The following LPP variants were observed in gnomAD, a reference collection of about 807,000 sequenced individuals.
The protein encoded by LPP is lipoma-preferred partner.
LPP carries 38 observed loss-of-function variants against 60.4 expected under a neutral mutation model. That is an observed-to-expected ratio of 0.63 (90% CI 0.49 to 0.83). The LOEUF (loss-of-function observed/expected upper bound fraction) is 0.83, where lower values mean the gene tolerates loss of function less well. Ranked by LOEUF, LPP falls within the 40% of genes least tolerant of loss-of-function variation. The pLI, the probability that LPP is intolerant of heterozygous loss-of-function variation, is 0.00. For missense variants in LPP, 902 were observed against 783.6 expected (o/e 1.15, Z -1.80); for synonymous variants, 328 against 290.8 (o/e 1.13, Z -1.30).
intron 6 of LPP, among the ~76,000 whole-genome samples, chr3:188,551,620 A>G (rs1476147696): frequency 6.6e-6 from 1 of 152,174 alleles, no homozygotes; most frequent in Non-Finnish European, 1.5e-5. Context: ...ATATACACTA[A>G]TAGAGATTAC....
At chr3:188,867,541 G>A (rs537678483) in intron 10 of LPP, among the ~76,000 whole-genome samples, 6 of 151,870 alleles carry the variant, frequency 4.0e-5, no homozygotes, top group African/African-American at 1.2e-4. Flanking sequence ...ATGGGGTTTC[G>A]CCATGTTGGC....
At position 188,609,791 on chromosome 3, in the gene LPP, A is replaced by C. The variant is rs766661203; in HGVS notation, c.1060A>C (p.Thr354Pro). The change falls in exon 7 of 12, where the codon ACC becomes CCC. Residue 354 changes from threonine (T) to proline (P), a missense_variant. Thr to Pro is a conservative substitution (Grantham distance 38). Transcript: ENST00000617246. This position sits in a 1 kb window ranked among gnomAD's most constrained non-coding sequence, Gnocchi z 6.9. Reference protein sequence around the residue: ...GMYPVTGPKKTYITDPVSAPC... With the variant: ...GMYPVTGPKKPYITDPVSAPC... The stretch of plus-strand genomic sequence containing the variant: ...GTATCCAGTCACTGGTCCCAAGAAG[A>C]CCTATATCACAGATCCTGTTTCAGC... The C allele has an allele frequency of 6.2e-7, 1 of 1,613,822 alleles. No individual in the cohort carries two copies. The highest frequency in any genetic ancestry group is 1.1e-5 in the South Asian group (1 of 91,080).
At chr3:188,800,519 A>G (rs540350285) in intron 9 of LPP, among the ~76,000 whole-genome samples, 51 of 152,162 alleles carry the variant, frequency 3.4e-4, no homozygotes, top group Non-Finnish European at 6.6e-4. Flanking sequence ...TGCTGGGATT[A>G]CAGGCGTGAG....
rs1208771566 is a variant in LPP at position 188,825,267 on chromosome 3, C to CTG, written c.1411-40932_1411-40931insGT. Reference sequence around the variant, plus strand: ...TTTCTTTCTCTCTCTCTCTCTCTCTCTCTGTGTGTGTGTGTGTGTGTGTGT... The same window carrying CTG: ...TTTCTTTCTCTCTCTCTCTCTCTCTCTGTCTGTGTGTGTGTGTGTGTGTGTGT... On this transcript the variant is annotated intron_variant, in intron 9 of 11. Coordinates refer to ENST00000617246, the MANE Select transcript of LPP (RefSeq NM_001375462.1). 3.8e-3 allele frequency among the ~76,000 whole-genome samples: 372 copies of CTG among 98,930 alleles called. 2 individuals carry two copies. Among genetic ancestry groups the CTG allele is most frequent in the African/African-American group, 0.012 (339 of 28,080 alleles). The allele number at this position is 98,930 out of a possible 152,430, so 64.9% of individuals were successfully genotyped here. A position where few individuals can be genotyped will look rare whatever the true frequency, so the allele number is the denominator to read the frequency against.
At chr3:188,779,482 T>C (rs963027584) in intron 9 of LPP, among the ~76,000 whole-genome samples, 3 of 152,142 alleles carry the variant, frequency 2.0e-5, no homozygotes, top group African/African-American at 7.2e-5. Flanking sequence ...TGGGTCGGTC[T>C]TGGAATATGG....
chr3:188,608,816 CGTTT>C (rs1411236402), intron 6 of LPP, among the ~76,000 whole-genome samples: 3 of 151,990 alleles, frequency 2.0e-5, no homozygotes, highest in Admixed American at 6.6e-5. Flanking sequence ...GATGTTTATC[CGTTT>C]GTTTGTGTCT....
Position 188,881,313 on chromosome 3 carries a change from C to T in LPP, c.*6834C>T, listed in dbSNP as rs749672132. 2.1e-5 allele frequency: 4 copies of T among 193,344 alleles called. No individual in the cohort carries two copies. Among genetic ancestry groups the T allele is most frequent in the Non-Finnish European group, 3.2e-5 (3 of 92,314 alleles). 12.0% of individuals were successfully genotyped at this position (193,344 alleles called of 1,614,324 possible). A position where few individuals can be genotyped will look rare whatever the true frequency, so the allele number is the denominator to read the frequency against. On this transcript the variant is annotated 3_prime_UTR_variant, in exon 12 of 12. Transcript: ENST00000617246. Reference sequence around the variant, plus strand: ...CACAAAACAAGTCTTAAGTCCAAATCTTTGCCTCTTCATGTCTGATATCAC... The same window carrying T: ...CACAAAACAAGTCTTAAGTCCAAATTTTTGCCTCTTCATGTCTGATATCAC...
intron 9 of LPP, among the ~76,000 whole-genome samples, chr3:188,791,426 CAT>C (rs34581207): frequency 0.14 from 21,150 of 152,126 alleles, 1,530 homozygotes; most frequent in Middle Eastern, 0.19. Flanking sequence ...AACTTCTTCA[CAT>C]GTTTCTGTTT....
intron 3 of LPP, among the ~76,000 whole-genome samples, chr3:188,374,395 T>A (rs1486102750): frequency 6.6e-6 from 1 of 152,148 alleles, no homozygotes; most frequent in African/African-American, 2.4e-5. Context: ...GAGCAGTGGT[T>A]TGTAGTTCTC....
At chr3:188,801,678 C>T (rs777384294) in intron 9 of LPP, among the ~76,000 whole-genome samples, 7 of 152,176 alleles carry the variant, frequency 4.6e-5, no homozygotes, top group Non-Finnish European at 1.0e-4. Flanking sequence ...ACTCTTAGTA[C>T]AGTGCACTTT....
chr3:188,687,775 C>CTTT (rs61574227), intron 7 of LPP, among the ~76,000 whole-genome samples: 1,826 of 127,100 alleles, frequency 0.014, 62 homozygotes, highest in African/African-American at 0.049. Flanking sequence ...GTCTTATACT[C>CTTT]TTTTTTTTTT....
intron 3 of LPP, among the ~76,000 whole-genome samples, chr3:188,378,124 G>T (rs944950940): frequency 6.6e-6 from 1 of 152,214 alleles, no homozygotes; most frequent in Non-Finnish European, 1.5e-5. Flanking sequence ...CTACTGGGGG[G>T]TGCCTCCCAG....
chr3:188,354,623 G>A (rs1411357845), intron 3 of LPP, among the ~76,000 whole-genome samples: 1 of 152,116 alleles, frequency 6.6e-6, no homozygotes, highest in Non-Finnish European at 1.5e-5. Context: ...ATTATTTGAA[G>A]TTAGATGGAA....
chr3:188,416,039 G>A (rs1004961708), intron 4 of LPP, among the ~76,000 whole-genome samples: 2 of 152,004 alleles, frequency 1.3e-5, no homozygotes, highest in Non-Finnish European at 2.9e-5. Flanking sequence ...ACCATTTAGG[G>A]AACCTGGGTA....
chr3:188,424,485 T>C (rs1788753862), intron 4 of LPP, among the ~76,000 whole-genome samples: 2 of 152,186 alleles, frequency 1.3e-5, no homozygotes, highest in African/African-American at 4.8e-5. Flanking sequence ...TTTCTACTTC[T>C]GTGAAGAATG....
chr3:188,472,667 C>T (rs1201001428), intron 4 of LPP: 1 of 152,136 alleles, frequency 6.6e-6, no homozygotes, highest in African/African-American at 2.4e-5. Flanking sequence ...CGGGGATTCT[C>T]TTGAAGCAAG....
intron 4 of LPP, among the ~76,000 whole-genome samples, chr3:188,478,450 A>G (rs1235748729): frequency 2.6e-5 from 4 of 152,102 alleles, no homozygotes; most frequent in Admixed American, 6.5e-5. Context: ...ATGTACGTGT[A>G]CATATCTAGA....
chr3:188,322,387 G>A (rs1328179760), intron 2 of LPP, among the ~76,000 whole-genome samples: 2 of 152,076 alleles, frequency 1.3e-5, no homozygotes, highest in East Asian at 3.9e-4. Context: ...CAGGCTTTAT[G>A]TGATGTCATT....
intron 7 of LPP, among the ~76,000 whole-genome samples, chr3:188,623,752 G>C (rs1300824717): frequency 6.6e-6 from 1 of 152,228 alleles, no homozygotes; most frequent in Non-Finnish European, 1.5e-5. Context: ...TCAACTTTAA[G>C]TCTTAAACCT....
Sources: allele counts gnomAD v4.1 joint callset (sites outside exome capture counted in the v4.1 genomes callset), GRCh38; gene constraint gnomAD v4.1.1; non-coding constraint Gnocchi (gnomAD v3.1); transcripts MANE v1.5; gene names NCBI Gene and HGNC (gene_info 2026-07-23, HGNC 2026-07-21).